The following TNKS variants were observed in gnomAD, a reference collection of about 807,000 sequenced individuals.
TNKS encodes tankyrase.
A neutral mutation model predicts 135.8 loss-of-function variants in TNKS; 72 were observed. The ratio of observed to expected loss-of-function variants is 0.53; its 90% CI spans 0.44 to 0.64. The LOEUF (loss-of-function observed/expected upper bound fraction) is 0.64, where lower values mean the gene tolerates loss of function less well. Ranked by LOEUF, TNKS falls within the 30% of genes least tolerant of loss-of-function variation. The pLI is 0.00. For synonymous variants in TNKS, 849 were observed against 649.3 expected (o/e 1.31, Z -4.68); for missense variants, 1,769 against 1,674.0 (o/e 1.06, Z -0.99).
intron 26 of TNKS, among the ~76,000 whole-genome samples, chr8:9,775,429 G>C (rs1229688137): frequency 7.7e-6 from 1 of 130,402 alleles, no homozygotes; most frequent in Non-Finnish European, 1.6e-5. Flanking sequence ...GAGCAGACTG[G>C]AATTACGGAA....
At chr8:9,698,955 C>A (rs1212860565) in intron 5 of TNKS, among the ~76,000 whole-genome samples, 1 of 152,158 alleles carries the variant, frequency 6.6e-6, no homozygotes. Context: ...ATTTATCTTA[C>A]AGCAGAATAA....
chr8:9,703,440 AT>A (rs920216329), intron 5 of TNKS, among the ~76,000 whole-genome samples: 7 of 152,316 alleles, frequency 4.6e-5, no homozygotes, highest in African/African-American at 1.7e-4. Context: ...CATTTTATAC[AT>A]GAAGAAGCTG....
intron 5 of TNKS, among the ~76,000 whole-genome samples, chr8:9,697,126 G>A (rs551561447): frequency 8.0e-4 from 122 of 152,186 alleles, no homozygotes; most frequent in Admixed American, 2.2e-3. Flanking sequence ...GAATGGAATA[G>A]GAAGCTCAGA....
chr8:9,736,012 TC>T (rs1315860421), intron 17 of TNKS, among the ~76,000 whole-genome samples: 2 of 151,596 alleles, frequency 1.3e-5, no homozygotes, highest in African/African-American at 4.8e-5. Context: ...TGCTTTTTGG[TC>T]TCAGCACGTT....
At chr8:9,765,128 C>T (rs1416162243) in intron 23 of TNKS, among the ~76,000 whole-genome samples, 1 of 152,176 alleles carries the variant, frequency 6.6e-6, no homozygotes, top group African/African-American at 2.4e-5. Flanking sequence ...AGAGTTGCAT[C>T]AAAGTCCTGG....
At chr8:9,575,287 A>T (rs968542202) in intron 1 of TNKS, 1 of 644,754 alleles carries the variant, frequency 1.6e-6, no homozygotes, top group Middle Eastern at 7.8e-4. Context: ...GGGTTTCACC[A>T]TGTTAGCTAG....
intron 2 of TNKS, among the ~76,000 whole-genome samples, chr8:9,600,765 T>C (rs1798986902): frequency 6.6e-6 from 1 of 152,186 alleles, no homozygotes; most frequent in African/African-American, 2.4e-5. Flanking sequence ...GAATTCTGAA[T>C]TTTGGGTCAC....
chr8:9,713,072 T>TA (rs1349980950), intron 11 of TNKS, among the ~76,000 whole-genome samples: 1 of 152,192 alleles, frequency 6.6e-6, no homozygotes, highest in Non-Finnish European at 1.5e-5. Context: ...GTGTGTGATT[T>TA]AAAAATTTGG....
chr8:9,591,577 A>C (rs1487863748), intron 2 of TNKS, among the ~76,000 whole-genome samples: 1 of 152,116 alleles, frequency 6.6e-6, no homozygotes, highest in Non-Finnish European at 1.5e-5. Flanking sequence ...TGAAGTGTGC[A>C]TATCTTTTGG....
chr8:9,567,576 C>T (rs564106347), intron 1 of TNKS, among the ~76,000 whole-genome samples: 320 of 152,070 alleles, frequency 2.1e-3, no homozygotes, highest in African/African-American at 7.0e-3. Context: ...CCACCACGCC[C>T]GGCTAATTTT....
chr8:9,717,163 C>G (rs938162444), intron 11 of TNKS, among the ~76,000 whole-genome samples: 3 of 143,580 alleles, frequency 2.1e-5, no homozygotes, highest in Non-Finnish European at 4.5e-5. Context: ...ATAGCACACT[C>G]AAGTTCAGCT....
chr8:9,567,685 G>C (rs541469675), intron 1 of TNKS, among the ~76,000 whole-genome samples: 3 of 152,186 alleles, frequency 2.0e-5, no homozygotes, highest in Admixed American at 6.5e-5. Flanking sequence ...CCAAAGTGGT[G>C]GGATTACAGG....
chr8:9,667,331 C>T (rs1345692730), intron 3 of TNKS, among the ~76,000 whole-genome samples: 1 of 152,170 alleles, frequency 6.6e-6, no homozygotes, highest in Non-Finnish European at 1.5e-5. Flanking sequence ...GATATATGAA[C>T]AAAGCGTATT....
In TNKS at chr8:9,698,552, T is replaced by G. The variant is rs74594992; in HGVS notation, c.1108-6111T>G. Among the ~76,000 whole-genome samples the G allele has an allele frequency of 9.1e-3, 1,389 of 152,214 alleles. 144 individuals carry two copies. The East Asian group carries it at 0.22, about 24-fold the overall frequency. On this transcript the variant is annotated intron_variant, in intron 5 of 26. Coordinates refer to ENST00000310430, the MANE Select transcript of TNKS (RefSeq NM_003747.3). ...GGGATTACACTTCCCACTTCACAGA[T>G]GTTGGAAGCCCGGACGCAGAGACGT...
At chr8:9,671,779 A>T (rs760247425) in intron 3 of TNKS, among the ~76,000 whole-genome samples, 4 of 152,234 alleles carry the variant, frequency 2.6e-5, no homozygotes, top group Admixed American at 6.5e-5. Context: ...AAGAAAAGAC[A>T]CAGTTTAATA....
chr8:9,626,218 G>A (rs1004601033), intron 3 of TNKS, among the ~76,000 whole-genome samples: 7 of 152,154 alleles, frequency 4.6e-5, no homozygotes, highest in South Asian at 2.1e-4. Flanking sequence ...AGCCACTCCT[G>A]CCTTTTTAAA....
intron 2 of TNKS, among the ~76,000 whole-genome samples, chr8:9,590,264 A>G (rs1000392822): frequency 1.5e-4 from 23 of 152,100 alleles, no homozygotes; most frequent in African/African-American, 5.3e-4. Flanking sequence ...CCTTCCAGCT[A>G]CAATGGCCTT....
intron 3 of TNKS, among the ~76,000 whole-genome samples, chr8:9,665,169 G>A (rs1170259510): frequency 6.6e-6 from 1 of 152,088 alleles, no homozygotes; most frequent in Non-Finnish European, 1.5e-5. Context: ...GTTTCCATTT[G>A]CTGTTTTGAA....
rs567974615 is a variant in TNKS at position 9,654,874 on chromosome 8, C to T, written c.995-25077C>T. Among the ~76,000 whole-genome samples the T allele has an allele frequency of 3.3e-5, 5 of 152,322 alleles. No homozygotes were observed. The South Asian group carries it at 1.0e-3, about 32-fold the overall frequency. ...TCCAACTGAGGTACCGGATTCATCTCACTGGGGAGTGCCGGACAGTGGGTG... is the reference window on the plus strand; with the variant it reads ...TCCAACTGAGGTACCGGATTCATCTTACTGGGGAGTGCCGGACAGTGGGTG... On this transcript the variant is annotated intron_variant, in intron 3 of 26. Transcript: ENST00000310430.
Sources: gnomAD v4.1 joint callset for allele counts (sites outside exome capture counted in the v4.1 genomes callset) on GRCh38, gnomAD v4.1.1 for gene constraint, MANE v1.5 for transcripts, NCBI Gene and HGNC (gene_info 2026-07-23, HGNC 2026-07-21) for gene names.